Variants in TTLL11 observed in about 807,000 individuals in gnomAD.
TTLL11 encodes the protein tubulin polyglutamylase TTLL11.
A neutral mutation model predicts 51.7 loss-of-function variants in TTLL11; 42 were observed. The observed-to-expected ratio is 0.81, with a 90% CI of 0.64 to 1.05. TTLL11 has a LOEUF of 1.05. Among genes scored for constraint, TTLL11 ranks in the 50% least tolerant of loss-of-function variants. TTLL11 has a pLI of 0.00. For synonymous variants in TTLL11, 381 were observed against 383.5 expected, an observed-to-expected ratio of 0.99 and a Z score of 0.08; for missense variants, 799 against 940.4, an observed-to-expected ratio of 0.85 and a Z score of 1.97.
In TTLL11 at chr9:121,969,731, G is replaced by A. The variant is rs147075494; in HGVS notation, c.1481+4278C>T. 7.9e-5 allele frequency among the ~76,000 whole-genome samples: 12 copies of A among 152,196 alleles called. No individual in the cohort carries two copies. In the East Asian group the frequency reaches 2.3e-3, roughly 29 times the overall value. The stretch of plus-strand genomic sequence containing the variant: ...ATTCTGTGCAAACGCTAGAAACCCT[G>A]GCTTCTAAAGGTAACTTCTAGCCTG... On this transcript the variant is annotated intron_variant, in intron 6 of 8. Coordinates refer to ENST00000321582, the MANE Select transcript of TTLL11 (RefSeq NM_001139442.2).
chr9:122,056,476 G>A (rs1659840464), intron 1 of TTLL11, among the ~76,000 whole-genome samples: 1 of 151,878 alleles, frequency 6.6e-6, no homozygotes, highest in African/African-American at 2.4e-5. Flanking sequence ...TTAAATAACT[G>A]GTTTATTTAA....
chr9:121,922,092 C>T (rs566907996), intron 6 of TTLL11, among the ~76,000 whole-genome samples: 4 of 152,176 alleles, frequency 2.6e-5, no homozygotes, highest in Non-Finnish European at 5.9e-5. Context: ...TCCTCAACTT[C>T]AACTCCTCAG....
chr9:122,090,811 G>A (rs1222476664), intron 1 of TTLL11, among the ~76,000 whole-genome samples: 2 of 151,882 alleles, frequency 1.3e-5, no homozygotes, highest in Non-Finnish European at 2.9e-5. Context: ...TTAGTACTAT[G>A]GAAAAAAAAT....
chr9:121,925,852 T>C (rs373013713), intron 6 of TTLL11, among the ~76,000 whole-genome samples: 1 of 152,178 alleles, frequency 6.6e-6, no homozygotes, highest in African/African-American at 2.4e-5. Context: ...TTTAAGAACA[T>C]CACCCATTCA....
chr9:121,842,733 G>T (rs992424662), intron 8 of TTLL11, among the ~76,000 whole-genome samples: 3 of 152,210 alleles, frequency 2.0e-5, no homozygotes, highest in African/African-American at 7.2e-5. Context: ...TGGTTTGTGA[G>T]ATTCTCTCTG....
chr9:121,954,664 A>G (rs1266326836), intron 6 of TTLL11, among the ~76,000 whole-genome samples: 2 of 135,734 alleles, frequency 1.5e-5, no homozygotes, highest in Admixed American at 8.0e-5. Context: ...GCAAGCACAC[A>G]CACACACACA....
chr9:121,931,583 T>TAAAAAAAAAAAAAAAAAAAA (rs1564311677), intron 6 of TTLL11, among the ~76,000 whole-genome samples: 1 of 103,836 alleles, frequency 9.6e-6, no homozygotes, highest in Non-Finnish European at 2.0e-5. Context: ...TTTCTACTAT[T>TAAAAAAAAAAAAAAAAAAAA]TAAAAAAAAA....
chr9:121,838,716 CAAGAAAGAAAGAA>C (rs1186662109), intron 8 of TTLL11, among the ~76,000 whole-genome samples: 2 of 150,224 alleles, frequency 1.3e-5, no homozygotes, highest in African/African-American at 2.5e-5. Flanking sequence ...AAGATTCTGT[CAAGAAAGAAAGAA>C]AAGAAAGAAA....
rs1334915568 is a variant in TTLL11, at chr9:121,822,777, C to T, written c.1943G>A (p.Cys648Tyr). The T allele has an allele frequency of 6.4e-7, 1 of 1,551,728 alleles. No individual in the cohort carries two copies. The highest frequency in any genetic ancestry group is 2.0e-5 in the Admixed American group (1 of 51,012). ...ATCCAGCAGGGACAGGTGGTACTCGCAAAGGTCAATCAGTGAGGCCACCTG... is the reference window on the plus strand; with the variant it reads ...ATCCAGCAGGGACAGGTGGTACTCGTAAAGGTCAATCAGTGAGGCCACCTG... ...HEQVASLIDL[C>Y]EYHLSLLDEK... Residue 648 changes from cysteine to tyrosine, a missense_variant, in exon 9 of 9, where the codon TGC (cysteine) becomes TAC (tyrosine). Around this residue, in one of 3 missense-constraint regions of TTLL11, gnomAD observed 165 missense variants for 166.1 expected, o/e 0.99. Coordinates refer to ENST00000321582, the MANE Select transcript of TTLL11 (RefSeq NM_001139442.2). This position sits in a 1 kb window ranked among gnomAD's most constrained non-coding sequence, Gnocchi z 5.8.
intron 4 of TTLL11, among the ~76,000 whole-genome samples, chr9:121,988,570 G>A (rs1244302949): frequency 6.6e-6 from 1 of 151,938 alleles, no homozygotes; most frequent in African/African-American, 2.4e-5. Context: ...AGTTTCTCCT[G>A]CTTCATCTAA....
intron 6 of TTLL11, among the ~76,000 whole-genome samples, chr9:121,916,768 G>C (rs985030224): frequency 2.0e-5 from 3 of 152,184 alleles, no homozygotes; most frequent in African/African-American, 7.2e-5. Flanking sequence ...GTTGATGACA[G>C]TCAAGAGGGT....
intron 6 of TTLL11, among the ~76,000 whole-genome samples, chr9:121,970,318 TC>T (rs1842515548): frequency 6.6e-6 from 1 of 152,180 alleles, no homozygotes; most frequent in Admixed American, 6.5e-5. Flanking sequence ...AGAATGCAGC[TC>T]CTATGGATTA....
chr9:121,904,214 A>G (rs970909717), intron 6 of TTLL11, among the ~76,000 whole-genome samples: 10 of 146,634 alleles, frequency 6.8e-5, no homozygotes, highest in African/African-American at 1.8e-4. Flanking sequence ...GTCTCGCTCT[A>G]TCGCCAGGCT....
chr9:121,971,429 G>A (rs1449789316), intron 6 of TTLL11, among the ~76,000 whole-genome samples: 37 of 97,166 alleles, frequency 3.8e-4, no homozygotes, highest in Non-Finnish European at 4.8e-4. Context: ...CAGCCGCCCC[G>A]TCCGGGAGGG....
intron 8 of TTLL11, among the ~76,000 whole-genome samples, chr9:121,836,870 C>T (rs1056846403): frequency 8.5e-5 from 13 of 152,174 alleles, no homozygotes; most frequent in African/African-American, 2.7e-4. Context: ...AGTGAAGGTC[C>T]TGTTTCCCTC....
chr9:121,891,706 T>C lies in TTLL11; in HGVS notation c.1482-20958A>G, dbSNP rs77269374. Reference sequence around the variant, plus strand: ...GGATTTCAAGGACCAACTGTGCTGATCCCTCATTTTACACCTGAGGATACA... The same window carrying C: ...GGATTTCAAGGACCAACTGTGCTGACCCCTCATTTTACACCTGAGGATACA... On this transcript the variant is annotated intron_variant, in intron 6 of 8. Coordinates refer to ENST00000321582, the MANE Select transcript of TTLL11 (RefSeq NM_001139442.2). Among the ~76,000 whole-genome samples, 957 of 152,206 alleles carry C rather than the reference T, an allele frequency of 6.3e-3. 10 individuals are homozygous for C. Among genetic ancestry groups the C allele is most frequent in the African/African-American group, 0.022 (908 of 41,528 alleles).
intron 1 of TTLL11, among the ~76,000 whole-genome samples, chr9:122,064,312 G>C (rs917440228): frequency 3.9e-5 from 6 of 152,068 alleles, no homozygotes; most frequent in Non-Finnish European, 8.8e-5. Flanking sequence ...GGGGAGGGGA[G>C]GAAAAGAAGG....
chr9:122,025,563 T>A (rs1257820000), intron 3 of TTLL11, among the ~76,000 whole-genome samples: 1 of 152,056 alleles, frequency 6.6e-6, no homozygotes, highest in African/African-American at 2.4e-5. Flanking sequence ...GAGGCTGCAG[T>A]GAGCTGTGAT....
At chr9:121,928,337 A>G (rs1240436594) in intron 6 of TTLL11, among the ~76,000 whole-genome samples, 1 of 152,200 alleles carries the variant, frequency 6.6e-6, no homozygotes. Flanking sequence ...GGGTCTGTAC[A>G]TGTACACATA....
Sources: gnomAD v4.1 joint callset for allele counts (sites outside exome capture counted in the v4.1 genomes callset) on GRCh38, gnomAD v4.1.1 for gene constraint, gnomAD v4.1.1 regional missense constraint, Gnocchi (gnomAD v3.1) non-coding constraint, MANE v1.5 for transcripts, NCBI Gene and HGNC (gene_info 2026-07-23, HGNC 2026-07-21) for gene names.